TCTA: variants seen among roughly 807,000 people sequenced by gnomAD.
TCTA encodes the protein T cell leukemia translocation altered.
A neutral mutation model predicts 13.5 loss-of-function variants in TCTA; 13 were observed. The observed-to-expected ratio is 0.96, with a 90% CI of 0.63 to 1.53. The LOEUF is 1.53. Ranked by LOEUF, TCTA falls within the 40% of genes most tolerant of loss-of-function variation. The pLI is 0.00. For synonymous variants in TCTA, 58 were observed against 59.0 expected, an observed-to-expected ratio of 0.98 and a Z score of 0.08; for missense variants, 138 against 131.3, an observed-to-expected ratio of 1.05 and a Z score of -0.25.
At chr3:49,413,848 T>A (rs2048978892) in intron 2 of TCTA, among the ~76,000 whole-genome samples, 1 of 152,184 alleles carries the variant, frequency 6.6e-6, no homozygotes, top group Non-Finnish European at 1.5e-5. Context: ...TGGTCTGATC[T>A]AATTTGCCTT....
Position 49,412,650 on chromosome 3 carries a change from C to A in TCTA, c.214+10C>A, listed in dbSNP as rs777016419. ...TTGTATCACCGTCCAGGTGAGGCTT[C>A]CTACGAACCTCCGTGGGCTGGCCGC... On this transcript the variant is annotated intron_variant, in intron 1 of 2. Transcript: ENST00000273590. 8.6e-5 allele frequency: 139 copies of A among 1,611,408 alleles called. No individual in the cohort carries two copies. Among genetic ancestry groups the A allele is most frequent in the Non-Finnish European group, 1.1e-4 (131 of 1,177,858 alleles).
chr3:49,414,258 G>C (rs7620024), intron 2 of TCTA, among the ~76,000 whole-genome samples: 1 of 151,808 alleles, frequency 6.6e-6, no homozygotes, highest in Non-Finnish European at 1.5e-5. Flanking sequence ...ATAACAGGCC[G>C]GGCATGGTGG....
Position 49,412,554 on chromosome 3 carries a change from T to A in TCTA, c.128T>A (p.Leu43Gln). 6.2e-7 allele frequency: 1 copy of A among 1,614,256 alleles called. No homozygotes were observed. Among genetic ancestry groups the A allele is most frequent in the Non-Finnish European group, 8.5e-7 (1 of 1,180,044 alleles). ...DMRVTLFKLL[L>Q]LWLVLSLLGI... ...CGCGTGACCCTCTTCAAGCTGCTGCTGCTGTGGTTGGTGTTAAGTCTCCTG... is the reference window on the plus strand; with the variant it reads ...CGCGTGACCCTCTTCAAGCTGCTGCAGCTGTGGTTGGTGTTAAGTCTCCTG... Residue 43 changes from leucine (L) to glutamine (Q), a missense_variant, in exon 1 of 3, where the codon CTG (leucine) becomes CAG (glutamine). Transcript: ENST00000273590.
rs6997 is a variant in TCTA, at chr3:49,416,401, C to T, written c.*1539C>T. ...ACAGCCCCTGGCCCACCCACTAATA[C>T]TACTGCACAGAGTCAGGATCTCACA... On this transcript the variant is annotated 3_prime_UTR_variant, in exon 3 of 3. Coordinates refer to ENST00000273590, the MANE Select transcript of TCTA (RefSeq NM_022171.3). The T allele has an allele frequency of 0.29, 75,105 of 261,562 alleles. 11,879 individuals carry two copies. The highest frequency in any genetic ancestry group is 0.33 in the Middle Eastern group (231 of 708). 16.2% of individuals were successfully genotyped at this position (261,562 alleles called of 1,614,324 possible).
In TCTA at chr3:49,414,845, A is replaced by G. The variant is rs201983754; in HGVS notation, c.295A>G (p.Lys99Glu). The G allele has an allele frequency of 7.7e-5, 124 of 1,613,940 alleles. No homozygotes were observed. In the East Asian group the frequency reaches 2.5e-3, roughly 32 times the overall value. ...SWEMAANEPL[K>E]THRE ...GGAAATGGCAGCAAACGAACCTCTC[A>G]AAACCCACAGAGAATAAGGGAAGGC... Residue 99 changes from lysine to glutamate, a missense_variant, in exon 3 of 3, where the codon AAA becomes GAA. Coordinates refer to ENST00000273590, the MANE Select transcript of TCTA (RefSeq NM_022171.3).
Position 49,413,080 on chromosome 3 carries a change from C to T in TCTA, c.239C>T (p.Thr80Met). ...GGTCTGGGTGGTCAGAATGGATCCA[C>T]GCCTGATGGCTCCACGCATTTCCCT... ...RPGLGGQNGS[T>M]PDGSTHFPSW... The change falls in exon 2 of 3, where the codon ACG (threonine) becomes ATG (methionine). Residue 80 changes from threonine (T) to methionine (M), a missense_variant. Transcript: ENST00000273590. 3.1e-6 allele frequency: 5 copies of T among 1,614,184 alleles called. No homozygotes were observed. The highest frequency in any genetic ancestry group is 1.1e-5 in the South Asian group (1 of 91,084).
chr3:49,412,475 GT>G lies in TCTA; in HGVS notation c.50del (p.Val17GlyfsTer20). The part of the protein sequence containing the change: ...GQALQALPAT[V>X]LGALGSEFLR... The stretch of plus-strand genomic sequence containing the variant: ...GGCCTTGCAGGCTCTGCCGGCCACG[GT>G]GCTGGGCGCGCTGGGCAGCGAGTTC... On this transcript the variant is annotated frameshift_variant, in exon 1 of 3. Transcript: ENST00000273590. LOFTEE classifies it high-confidence loss of function. 2 of 1,613,734 alleles carry G rather than the reference GT, an allele frequency of 1.2e-6. No homozygotes were observed. Among genetic ancestry groups the G allele is most frequent in the Non-Finnish European group, 1.7e-6 (2 of 1,179,956 alleles).
chr3:49,414,618 G>A (rs2048985542), intron 2 of TCTA, among the ~76,000 whole-genome samples: 1 of 152,180 alleles, frequency 6.6e-6, no homozygotes, highest in African/African-American at 2.4e-5. Flanking sequence ...CTAACATGGA[G>A]AACCAGGAAG....
rs2048965031 is a variant in TCTA, at chr3:49,412,749, AT to A, written c.214+111del. 4.5e-6 allele frequency: 6 copies of A among 1,336,388 alleles called. No individual in the cohort carries two copies. In the South Asian group the frequency reaches 7.9e-5, roughly 18 times the overall value. The allele number at this position is 1,336,388 out of a possible 1,614,324, so 82.8% of individuals were successfully genotyped here. A position where few individuals can be genotyped will look rare whatever the true frequency, so the allele number is the denominator to read the frequency against. ...TGCAAGAGGCTCATCAGAACTTAAC[AT>A]TGGTTCACGGCCTTACTACCCTGAA... On this transcript the variant is annotated intron_variant, in intron 1 of 2. Transcript: ENST00000273590.
Position 49,414,908 on chromosome 3 carries a change from C to G in TCTA, c.*46C>G. 6.2e-7 allele frequency: 1 copy of G among 1,612,148 alleles called. No individual in the cohort carries two copies. Among genetic ancestry groups the G allele is most frequent in the Non-Finnish European group, 8.5e-7 (1 of 1,178,472 alleles). On this transcript the variant is annotated 3_prime_UTR_variant, in exon 3 of 3. Transcript: ENST00000273590. ...CCAAGGGCATCACTGGGTCTGCTGGCTTCTACACTGGGTTCTGCTACTCCC... is the reference window on the plus strand; with the variant it reads ...CCAAGGGCATCACTGGGTCTGCTGGGTTCTACACTGGGTTCTGCTACTCCC...
chr3:49,412,529 C>T lies in TCTA; in HGVS notation c.103C>T (p.Arg35Cys). ...GCGGGAGTGGGAGGCGCAGGACATG[C>T]GCGTGACCCTCTTCAAGCTGCTGCT... is the stretch of plus-strand genomic sequence containing the variant. ...FLREWEAQDM[R>C]VTLFKLLLLW... Residue 35 changes from arginine (R) to cysteine (C), a missense_variant, in exon 1 of 3, where the codon CGC becomes TGC. Physicochemically the swap from Arg to Cys is radical, Grantham distance 180 (BLOSUM62 -3). Coordinates refer to ENST00000273590, the MANE Select transcript of TCTA (RefSeq NM_022171.3). 6.2e-7 allele frequency: 1 copy of T among 1,614,250 alleles called. No homozygotes were observed. The highest frequency in any genetic ancestry group is 2.2e-5 in the East Asian group (1 of 44,884).
At position 49,416,045 on chromosome 3, in the gene TCTA, A is replaced by C. The variant is rs1342569900; in HGVS notation, c.*1183A>C. 2.6e-5 allele frequency: 4 copies of C among 152,806 alleles called. No homozygotes were observed. Among genetic ancestry groups the C allele is most frequent in the African/African-American group, 9.7e-5 (4 of 41,442 alleles). The allele number at this position is 152,806 out of a possible 1,614,324, so 9.5% of individuals were successfully genotyped here. A position where few individuals can be genotyped will look rare whatever the true frequency, so the allele number is the denominator to read the frequency against. On this transcript the variant is annotated 3_prime_UTR_variant, in exon 3 of 3. Transcript: ENST00000273590. ...TCTGGACCTGGTACAAATGCACGTCACAGGCTCAGCTCCTCCCCACTAGCA... is the reference window on the plus strand; with the variant it reads ...TCTGGACCTGGTACAAATGCACGTCCCAGGCTCAGCTCCTCCCCACTAGCA...
chr3:49,412,713 C>G, intron 1 of TCTA, 73 bp downstream of exon 1: 2 of 1,505,892 alleles, frequency 1.3e-6, no homozygotes, highest in South Asian at 2.4e-5. Context: ...CCATTGGGTT[C>G]CCCACTATCC....
chr3:49,412,848 C>A, intron 1 of TCTA: 1 of 741,974 alleles, frequency 1.3e-6, no homozygotes, highest in South Asian at 1.8e-5. Flanking sequence ...CTCATGCCAC[C>A]ATACCATTTT....
chr3:49,413,035 T>A, intron 1 of TCTA, 21 bp from the exon 2 acceptor site: 2 of 1,613,846 alleles, frequency 1.2e-6, no homozygotes, highest in Non-Finnish European at 1.7e-6. Context: ...TCTGCAGCTC[T>A]GGATGTGTTT....
chr3:49,412,654 C>T lies in TCTA; in HGVS notation c.214+14C>T, dbSNP rs1397920944. ...ATCACCGTCCAGGTGAGGCTTCCTA[C>T]GAACCTCCGTGGGCTGGCCGCCCCC... On this transcript the variant is annotated intron_variant, in intron 1 of 2. Coordinates refer to ENST00000273590, the MANE Select transcript of TCTA (RefSeq NM_022171.3). 1 of 1,611,038 alleles carries T rather than the reference C, an allele frequency of 6.2e-7. No homozygotes were observed. Among genetic ancestry groups the T allele is most frequent in the African/African-American group, 1.3e-5 (1 of 74,900 alleles).
rs1216900016 is a variant in TCTA at position 49,415,850 on chromosome 3, G to T, written c.*988G>T. ...ACTCATATTCCTCTCAGTCCTTCTT[G>T]GGGGTAAGCTGATTACCTGAAGGAC... is the stretch of plus-strand genomic sequence containing the variant. On this transcript the variant is annotated 3_prime_UTR_variant, in exon 3 of 3. Transcript: ENST00000273590. 1 of 152,210 alleles carries T rather than the reference G, an allele frequency of 6.6e-6. No individual in the cohort carries two copies. Among genetic ancestry groups the T allele is most frequent in the Admixed American group, 6.5e-5 (1 of 15,276 alleles). 9.4% of individuals were successfully genotyped at this position (152,210 alleles called of 1,614,324 possible).
intron 2 of TCTA, among the ~76,000 whole-genome samples, chr3:49,414,136 G>T (rs2048981633): frequency 6.6e-6 from 1 of 152,082 alleles, no homozygotes. Context: ...AGCTACTCGG[G>T]AGGCTGAGGC....
chr3:49,415,182 C>T lies in TCTA; in HGVS notation c.*320C>T. ...AGTTCTTTTGTCTTAGGTTTCTTTT[C>T]CTGTCCCTCTTCCATCCCCAAGATG... On this transcript the variant is annotated 3_prime_UTR_variant, in exon 3 of 3. Coordinates refer to ENST00000273590, the MANE Select transcript of TCTA (RefSeq NM_022171.3). 3.9e-6 allele frequency: 1 copy of T among 257,530 alleles called. No individual in the cohort carries two copies. Among genetic ancestry groups the T allele is most frequent in the Non-Finnish European group, 7.5e-6 (1 of 133,080 alleles). The allele number at this position is 257,530 out of a possible 1,614,324, so 16.0% of individuals were successfully genotyped here. A position where few individuals can be genotyped will look rare whatever the true frequency, so the allele number is the denominator to read the frequency against.
Sources: allele counts gnomAD v4.1 joint callset (sites outside exome capture counted in the v4.1 genomes callset), GRCh38; gene constraint gnomAD v4.1.1; transcripts MANE v1.5; gene names NCBI Gene and HGNC (gene_info 2026-07-23, HGNC 2026-07-21).